Variants in MYO1E observed in about 807,000 individuals in gnomAD.
MYO1E encodes myosin IE, also known as unconventional myosin-Ie.
Under a neutral mutation model 151.1 loss-of-function variants are expected in MYO1E, and 68 were observed. The observed-to-expected ratio is 0.45, with a 90% CI of 0.37 to 0.55. The LOEUF (loss-of-function observed/expected upper bound fraction) is 0.55. Ranked by LOEUF, MYO1E falls within the 20% of genes least tolerant of loss-of-function variation. The probability of loss-of-function intolerance (pLI) is 0.00; values close to 1 mark genes in which losing one functional copy is unlikely to be tolerated. For synonymous variants in MYO1E, 601 were observed against 501.7 expected, an observed-to-expected ratio of 1.20 and a Z score of -2.64; for missense variants, 1,363 against 1,389.3, an observed-to-expected ratio of 0.98 and a Z score of 0.30.
chr15:59,248,257 G>A (rs1286814955), intron 4 of MYO1E, among the ~76,000 whole-genome samples: 1 of 151,590 alleles, frequency 6.6e-6, no homozygotes, highest in Non-Finnish European at 1.5e-5. Flanking sequence ...GCCAAGGCAG[G>A]TGGATCACTT....
intron 1 of MYO1E, among the ~76,000 whole-genome samples, chr15:59,367,502 T>A (rs947059253): frequency 6.6e-6 from 1 of 152,220 alleles, no homozygotes; most frequent in Non-Finnish European, 1.5e-5. Context: ...GGAACCATCC[T>A]ACACAGGTGT....
At chr15:59,319,772 A>G (rs2080614448) in intron 1 of MYO1E, among the ~76,000 whole-genome samples, 2 of 151,866 alleles carry the variant, frequency 1.3e-5, no homozygotes, top group Admixed American at 1.3e-4. Flanking sequence ...GCATGGGGGC[A>G]TATGCCTGTA....
intron 16 of MYO1E, among the ~76,000 whole-genome samples, chr15:59,196,588 T>G (rs891773052): frequency 9.2e-5 from 14 of 152,216 alleles, no homozygotes; most frequent in African/African-American, 3.1e-4. Flanking sequence ...CTGTCTCAAT[T>G]AGGACTTTTC....
At chr15:59,353,466 G>T (rs2080836288) in intron 1 of MYO1E, among the ~76,000 whole-genome samples, 1 of 151,542 alleles carries the variant, frequency 6.6e-6, no homozygotes, top group Non-Finnish European at 1.5e-5. Context: ...TGTCAAAGGT[G>T]AAGAAACAGG....
intron 1 of MYO1E, among the ~76,000 whole-genome samples, chr15:59,370,462 T>G (rs1201416386): frequency 6.6e-6 from 1 of 152,384 alleles, no homozygotes; most frequent in Admixed American, 6.5e-5. Flanking sequence ...GACAGCCAGC[T>G]GTTTCAACTT....
chr15:59,156,044 A>T (rs960225354), intron 25 of MYO1E, among the ~76,000 whole-genome samples: 5 of 152,278 alleles, frequency 3.3e-5, no homozygotes, highest in African/African-American at 1.2e-4. Flanking sequence ...TAATCTTGAG[A>T]CAGGGTCTCA....
Position 59,231,659 on chromosome 15 carries a change from T to C in MYO1E, c.510+43A>G, listed in dbSNP as rs376972249. The C allele has an allele frequency of 3.1e-6, 5 of 1,588,756 alleles. No homozygotes were observed. The African/African-American group carries it at 4.0e-5, about 13-fold the overall frequency. ...TAGACTTCAGTCAGAAGCATCAACATCATCAATCAAGCGACACTCTCTGAA... is the reference window on the plus strand; with the variant it reads ...TAGACTTCAGTCAGAAGCATCAACACCATCAATCAAGCGACACTCTCTGAA... On this transcript the variant is annotated intron_variant, in intron 6 of 27. Coordinates refer to ENST00000288235, the MANE Select transcript of MYO1E (RefSeq NM_004998.4).
chr15:59,200,015 C>G (rs1208259470), intron 16 of MYO1E, among the ~76,000 whole-genome samples: 1 of 152,172 alleles, frequency 6.6e-6, no homozygotes, highest in African/African-American at 2.4e-5. Flanking sequence ...CTGCTGACTT[C>G]AGCTTGACCT....
chr15:59,289,571 G>C (rs923011), intron 1 of MYO1E, among the ~76,000 whole-genome samples: 152,359 of 152,362 alleles, frequency 1, 76,178 homozygotes, highest in Non-Finnish European at 1. Context: ...AGACACAGGT[G>C]TCTGCTTATG....
At chr15:59,234,961 G>A (rs190994609) in intron 5 of MYO1E, among the ~76,000 whole-genome samples, 3 of 152,204 alleles carry the variant, frequency 2.0e-5, no homozygotes, top group African/African-American at 7.2e-5. Context: ...TGTCACCAGC[G>A]GTGCATACTG....
intron 2 of MYO1E, 107 bp from the exon 3 acceptor site, chr15:59,261,616 A>G: frequency 3.8e-6 from 3 of 779,306 alleles, no homozygotes; most frequent in South Asian, 2.9e-5. Flanking sequence ...CCAAGTGGAA[A>G]GTTTGTGTAC....
chr15:59,240,766 A>G (rs1422791257), intron 4 of MYO1E, among the ~76,000 whole-genome samples: 1 of 152,208 alleles, frequency 6.6e-6, no homozygotes, highest in African/African-American at 2.4e-5. Context: ...GAATCAACGT[A>G]ATTGAAATAT....
chr15:59,324,641 G>A (rs142292001), intron 1 of MYO1E, among the ~76,000 whole-genome samples: 18 of 116,542 alleles, frequency 1.5e-4, no homozygotes, highest in East Asian at 1.3e-3. Context: ...GCTGTGTCTC[G>A]CCGTATTTAT....
chr15:59,185,970 G>A (rs1272390329), intron 18 of MYO1E, among the ~76,000 whole-genome samples: 2 of 152,346 alleles, frequency 1.3e-5, no homozygotes, highest in South Asian at 2.1e-4. Context: ...AACCTTTTCT[G>A]AGCTAGTGTT....
At chr15:59,157,778 G>A (rs2079517003) in intron 25 of MYO1E, among the ~76,000 whole-genome samples, 2 of 152,238 alleles carry the variant, frequency 1.3e-5, no homozygotes, top group South Asian at 4.1e-4. Context: ...TGCTGGTTTT[G>A]TGGAAAACTC....
chr15:59,273,583 G>A (rs2080300819), intron 1 of MYO1E, among the ~76,000 whole-genome samples: 3 of 152,186 alleles, frequency 2.0e-5, no homozygotes, highest in Admixed American at 2.0e-4. Flanking sequence ...CAGAAAAGGA[G>A]CCATTTGAAG....
chr15:59,240,095 C>T (rs753263357), intron 4 of MYO1E, among the ~76,000 whole-genome samples: 2 of 152,210 alleles, frequency 1.3e-5, no homozygotes, highest in Non-Finnish European at 2.9e-5. Flanking sequence ...AAAATGGACA[C>T]ACACACACAA....
intron 26 of MYO1E, among the ~76,000 whole-genome samples, chr15:59,146,953 G>C (rs1596340994): frequency 6.6e-6 from 1 of 152,198 alleles, no homozygotes; most frequent in Middle Eastern, 3.4e-3. Context: ...TCTTTTTTCT[G>C]AGTAGGGCAA....
intron 16 of MYO1E, among the ~76,000 whole-genome samples, chr15:59,196,832 G>A (rs1453229759): frequency 6.6e-6 from 1 of 152,116 alleles, no homozygotes; most frequent in Non-Finnish European, 1.5e-5. Context: ...GACTGCACTT[G>A]AGAACAAATT....
Sources: allele counts gnomAD v4.1 joint callset (sites outside exome capture counted in the v4.1 genomes callset), GRCh38; gene constraint gnomAD v4.1.1; transcripts MANE v1.5; gene names NCBI Gene and HGNC (gene_info 2026-07-23, HGNC 2026-07-21).